BCAS1: variants seen among roughly 807,000 people sequenced by gnomAD.
The protein encoded by BCAS1 is breast carcinoma-amplified sequence 1.
A neutral mutation model predicts 65.4 loss-of-function variants in BCAS1; 46 were observed. The ratio of observed to expected loss-of-function variants is 0.70; its 90% CI spans 0.55 to 0.90. The LOEUF (loss-of-function observed/expected upper bound fraction) is 0.90, where lower values mean the gene tolerates loss of function less well. Among genes scored for constraint, BCAS1 ranks in the 40% least tolerant of loss-of-function variants. The probability of loss-of-function intolerance (pLI) is 0.00; values close to 1 mark genes in which losing one functional copy is unlikely to be tolerated. For synonymous variants in BCAS1, 298 were observed against 293.5 expected (o/e 1.02, Z -0.16); for missense variants, 793 against 771.2 (o/e 1.03, Z -0.33).
At chr20:53,953,874 G>C (rs1170296429) in intron 11 of BCAS1, among the ~76,000 whole-genome samples, 179 bp from the exon 12 acceptor site, 1 of 152,088 alleles carries the variant, frequency 6.6e-6, no homozygotes, top group African/African-American at 2.4e-5. Context: ...TCATGGTGGG[G>C]ACATTTATTT....
At chr20:53,997,597 A>T (rs1195868186) in intron 4 of BCAS1, among the ~76,000 whole-genome samples, 1 of 152,104 alleles carries the variant, frequency 6.6e-6, no homozygotes, top group Non-Finnish European at 1.5e-5. Context: ...TCTTTGGGTA[A>T]ATTATCAAAA....
chr20:54,008,242 T>C (rs1401019940), intron 4 of BCAS1, among the ~76,000 whole-genome samples: 1 of 152,184 alleles, frequency 6.6e-6, no homozygotes, highest in East Asian at 1.9e-4. Flanking sequence ...CAAGATGGCA[T>C]CTGTGGGGCT....
chr20:54,034,740 A>G (rs2091866483), intron 3 of BCAS1, among the ~76,000 whole-genome samples: 1 of 151,454 alleles, frequency 6.6e-6, no homozygotes, highest in Admixed American at 6.6e-5. Flanking sequence ...TGCTATACCT[A>G]TTAAACTACT....
intron 10 of BCAS1, among the ~76,000 whole-genome samples, chr20:53,961,937 AC>A (rs139360029): frequency 0.019 from 2,910 of 152,342 alleles, 31 homozygotes; most frequent in Non-Finnish European, 0.024. Context: ...TAAATGAGAT[AC>A]TGCGTGCAAA....
chr20:53,959,566 A>T (rs934848935), intron 10 of BCAS1, among the ~76,000 whole-genome samples: 5 of 152,104 alleles, frequency 3.3e-5, no homozygotes, highest in African/African-American at 1.2e-4. Context: ...GCTATTTTTT[A>T]AAAAATTTTT....
intron 4 of BCAS1, among the ~76,000 whole-genome samples, chr20:54,020,849 C>T (rs2091541426): frequency 6.6e-6 from 1 of 152,200 alleles, no homozygotes; most frequent in Non-Finnish European, 1.5e-5. Flanking sequence ...GCAGGTGTTA[C>T]ATGCTGCAAG....
intron 1 of BCAS1, among the ~76,000 whole-genome samples, chr20:54,061,006 T>C (rs1019534599): frequency 1.3e-5 from 2 of 152,178 alleles, no homozygotes; most frequent in Non-Finnish European, 2.9e-5. Flanking sequence ...GTATGATATA[T>C]AATAATAATG....
At chr20:53,969,396 T>C (rs1034357859) in intron 9 of BCAS1, among the ~76,000 whole-genome samples, 3 of 152,192 alleles carry the variant, frequency 2.0e-5, no homozygotes, top group African/African-American at 4.8e-5. Flanking sequence ...CTTCTTGCTA[T>C]GCCTGGTATT....
chr20:54,016,051 A>C lies in BCAS1; in HGVS notation c.723+12341T>G, dbSNP rs141099369. On this transcript the variant is annotated intron_variant, in intron 4 of 12. Coordinates refer to ENST00000688948, the MANE Select transcript of BCAS1 (RefSeq NM_001366298.2). ...TGGGATGACAGAGCTATGGCACAGG[A>C]AGGCAGAGATCATTTTTACCCAGAG... Among the ~76,000 whole-genome samples, 451 of 152,342 alleles carry C rather than the reference A, an allele frequency of 3.0e-3. 2 individuals are homozygous for C. Among genetic ancestry groups the C allele is most frequent in the African/African-American group, 0.01 (433 of 41,578 alleles).
intron 4 of BCAS1, 28 bp downstream of exon 4, chr20:54,028,364 C>A: frequency 6.2e-7 from 1 of 1,613,198 alleles, no homozygotes; most frequent in Non-Finnish European, 8.5e-7. Context: ...GCATTCAGAA[C>A]CAAGTGGATA....
In BCAS1 at chr20:54,009,073, A is replaced by ATT. The variant is rs528199716; in HGVS notation, c.724-13024_724-13023insAA. 2.6e-3 allele frequency among the ~76,000 whole-genome samples: 391 copies of ATT among 152,322 alleles called. 2 individuals carry two copies. The highest frequency in any genetic ancestry group is 9.2e-3 in the African/African-American group (384 of 41,566). On this transcript the variant is annotated intron_variant, in intron 4 of 12. Transcript: ENST00000688948. ...AGTGATCTGCCCGCCTTGGCCTCCCAAAGTTCTGGGATTACAGGCGTGAGC... is the reference window on the plus strand; with the variant it reads ...AGTGATCTGCCCGCCTTGGCCTCCCATTAAGTTCTGGGATTACAGGCGTGAGC...
intron 3 of BCAS1, among the ~76,000 whole-genome samples, chr20:54,029,999 C>T (rs987059703): frequency 6.6e-6 from 1 of 152,122 alleles, no homozygotes; most frequent in Non-Finnish European, 1.5e-5. Flanking sequence ...GCAAATTAGA[C>T]CTCAGGCCAG....
At chr20:54,064,217 G>C (rs1027029162) in intron 1 of BCAS1, among the ~76,000 whole-genome samples, 2 of 152,216 alleles carry the variant, frequency 1.3e-5, no homozygotes, top group African/African-American at 4.8e-5. Flanking sequence ...AGATTCTCTG[G>C]GGTGGGGCTG....
At chr20:54,068,019 C>T (rs2146391556) in intron 1 of BCAS1, among the ~76,000 whole-genome samples, 1 of 152,290 alleles carries the variant, frequency 6.6e-6, no homozygotes, top group East Asian at 1.9e-4. Flanking sequence ...ATGTGTGTGC[C>T]CGCACAGTGC....
intron 3 of BCAS1, among the ~76,000 whole-genome samples, chr20:54,057,826 G>A (rs545359394): frequency 6.6e-6 from 1 of 152,212 alleles, no homozygotes; most frequent in Non-Finnish European, 1.5e-5. Context: ...CGTGGAACAC[G>A]TTCTCCCTGA....
At chr20:54,019,621 G>A (rs1014166762) in intron 4 of BCAS1, among the ~76,000 whole-genome samples, 1 of 146,830 alleles carries the variant, frequency 6.8e-6, no homozygotes. Flanking sequence ...CGGACTGGGA[G>A]AAGAAGACCC....
At chr20:53,968,368 C>A (rs774592384) in intron 9 of BCAS1, among the ~76,000 whole-genome samples, 1 of 152,104 alleles carries the variant, frequency 6.6e-6, no homozygotes, top group Non-Finnish European at 1.5e-5. Flanking sequence ...CTTCTTGGAG[C>A]CTTGTTCTTG....
intron 3 of BCAS1, among the ~76,000 whole-genome samples, chr20:54,054,155 C>T (rs767792692): frequency 2.6e-5 from 4 of 152,138 alleles, no homozygotes; most frequent in East Asian, 1.9e-4. Context: ...GAAAAACATG[C>T]CCCTATGATT....
At chr20:53,971,201 C>T (rs575870045) in intron 9 of BCAS1, among the ~76,000 whole-genome samples, 6 of 152,216 alleles carry the variant, frequency 3.9e-5, no homozygotes, top group African/African-American at 7.2e-5. Flanking sequence ...AGTAATGGAA[C>T]ATGGGTAGAA....
Sources: allele counts gnomAD v4.1 joint callset (sites outside exome capture counted in the v4.1 genomes callset), GRCh38; gene constraint gnomAD v4.1.1; transcripts MANE v1.5; gene names NCBI Gene and HGNC (gene_info 2026-07-23, HGNC 2026-07-21).